IL1R2: variants seen among roughly 807,000 people sequenced by gnomAD.
The protein encoded by IL1R2 is interleukin 1 receptor type 2.
IL1R2 carries 46 observed loss-of-function variants against 39.5 expected under a neutral mutation model. The ratio of observed to expected loss-of-function variants is 1.16; its 90% CI spans 0.92 to 1.49. IL1R2 has a LOEUF of 1.49. IL1R2 is among the 40% of genes most tolerant of loss of function. IL1R2 has a pLI of 0.00. For missense variants in IL1R2, 537 were observed against 502.0 expected (o/e 1.07, Z -0.67); for synonymous variants, 207 against 189.6 (o/e 1.09, Z -0.75).
chr2:102,024,676 G>A lies in IL1R2; in HGVS notation c.887+8G>A, dbSNP rs930235049. On this transcript the variant is annotated splice_region_variant and intron_variant, in intron 7 of 8. Coordinates refer to ENST00000332549, the MANE Select transcript of IL1R2 (RefSeq NM_004633.4). ...GACCGAGGGGCCACGCCAGTAAGTGGGCCAGGGTCTTCTGTTGAGAACTCT... is the reference window on the plus strand; with the variant it reads ...GACCGAGGGGCCACGCCAGTAAGTGAGCCAGGGTCTTCTGTTGAGAACTCT... 2.5e-6 allele frequency: 4 copies of A among 1,614,074 alleles called. No homozygotes were observed. The highest frequency in any genetic ancestry group is 3.4e-6 in the Non-Finnish European group (4 of 1,180,010).
chr2:101,997,405 G>A (rs910398438), intron 1 of IL1R2, among the ~76,000 whole-genome samples: 2 of 152,188 alleles, frequency 1.3e-5, no homozygotes, highest in Non-Finnish European at 2.9e-5. Context: ...AGATGCTACA[G>A]CACCTGTTGC....
intron 1 of IL1R2, chr2:101,999,102 T>C (rs1675723803): frequency 6.6e-6 from 1 of 152,380 alleles, no homozygotes; most frequent in South Asian, 2.1e-4. Context: ...GAAGGAAGAC[T>C]TTAAAGCTGC....
intron 1 of IL1R2, 89 bp downstream of exon 1, chr2:101,992,100 AG>A: frequency 6.6e-6 from 1 of 151,750 alleles, no homozygotes; most frequent in African/African-American, 2.4e-5. Context: ...AGAGAGAGAG[AG>A]AGAGAGAGGG....
At chr2:101,995,351 T>C (rs1675537504) in intron 1 of IL1R2, among the ~76,000 whole-genome samples, 1 of 151,872 alleles carries the variant, frequency 6.6e-6, no homozygotes, top group African/African-American at 2.4e-5. Flanking sequence ...AGAGAGGACC[T>C]CAGGGCAGGA....
intron 8 of IL1R2, 47 bp downstream of exon 8, chr2:102,026,300 A>T (rs201541415): frequency 1.4e-6 from 2 of 1,420,488 alleles, no homozygotes; most frequent in Non-Finnish European, 1.9e-6. Flanking sequence ...TAACATGTTG[A>T]ATGTTCCATG....
intron 1 of IL1R2, among the ~76,000 whole-genome samples, chr2:102,002,480 T>TGTGTCTGTGTCC (rs1675930967): frequency 6.6e-6 from 1 of 151,896 alleles, no homozygotes; most frequent in African/African-American, 2.4e-5. Flanking sequence ...TGTCTGTGTC[T>TGTGTCTGTGTCC]GTGTCTGTGT....
chr2:101,994,254 A>C, intron 1 of IL1R2, among the ~76,000 whole-genome samples: 1 of 151,080 alleles, frequency 6.6e-6, no homozygotes, highest in African/African-American at 2.4e-5. Context: ...CCCCACTCCC[A>C]CCCCGACCTC....
chr2:102,021,305 C>CTTTT (rs546019141), intron 5 of IL1R2, among the ~76,000 whole-genome samples: 4 of 122,838 alleles, frequency 3.3e-5, no homozygotes, highest in African/African-American at 6.1e-5. Flanking sequence ...CTTTTCTTTT[C>CTTTT]TTTTTTTTTT....
At chr2:102,001,674 G>A (rs959397456) in intron 1 of IL1R2, among the ~76,000 whole-genome samples, 2 of 152,104 alleles carry the variant, frequency 1.3e-5, no homozygotes, top group African/African-American at 4.8e-5. Context: ...GTATTTCTCT[G>A]TATCTGAGTC....
rs1014686287 is a variant in IL1R2 at position 102,028,528 on chromosome 2, A to G, written c.*136A>G. Reference sequence around the variant, plus strand: ...GCCACATTTATAGTGGCTTTGTAGTAAAGGACTAAAGTCTTACATTCTGTT... The same window carrying G: ...GCCACATTTATAGTGGCTTTGTAGTGAAGGACTAAAGTCTTACATTCTGTT... On this transcript the variant is annotated 3_prime_UTR_variant, in exon 9 of 9. Transcript: ENST00000332549. 2 of 677,002 alleles carry G rather than the reference A, an allele frequency of 3.0e-6. No individual in the cohort carries two copies. Among genetic ancestry groups the G allele is most frequent in the Middle Eastern group, 2.6e-4 (1 of 3,906 alleles). The allele number at this position is 677,002 out of a possible 1,614,324, so 41.9% of individuals were successfully genotyped here. A position where few individuals can be genotyped will look rare whatever the true frequency, so the allele number is the denominator to read the frequency against.
intron 6 of IL1R2, 64 bp downstream of exon 6, chr2:102,022,313 G>T: frequency 2.9e-6 from 4 of 1,398,846 alleles, no homozygotes; most frequent in Non-Finnish European, 4.1e-6. Context: ...CCAATGCAGG[G>T]GGCTTGGGAC....
intron 1 of IL1R2, among the ~76,000 whole-genome samples, chr2:101,993,730 C>T (rs561991202): frequency 2.0e-5 from 3 of 152,160 alleles, no homozygotes; most frequent in Non-Finnish European, 4.4e-5. Flanking sequence ...TCTTTAATTG[C>T]ATTCCCTTTT....
intron 1 of IL1R2, among the ~76,000 whole-genome samples, chr2:102,003,535 T>C (rs1242102382): frequency 8.1e-6 from 1 of 123,362 alleles, no homozygotes; most frequent in Non-Finnish European, 1.7e-5. Flanking sequence ...TCTGTGTCTG[T>C]GTCTGGCTGT....
At position 102,009,701 on chromosome 2, in the gene IL1R2, G is replaced by T. The variant is rs1385173875; in HGVS notation, c.207G>T (p.Trp69Cys). The change falls in exon 3 of 9, where the codon TGG (tryptophan) becomes TGT (cysteine). Residue 69 changes from tryptophan (W) to cysteine (C), a missense_variant. Coordinates refer to ENST00000332549, the MANE Select transcript of IL1R2 (RefSeq NM_004633.4). ...ASVSPRINLT[W>C]HKNDSARTVP... Reference sequence around the variant, plus strand: ...TCAGCCCCCGCATCAACCTGACATGGCATAAAAATGACTCTGCTAGGACGG... The same window carrying T: ...TCAGCCCCCGCATCAACCTGACATGTCATAAAAATGACTCTGCTAGGACGG... The T allele has an allele frequency of 6.2e-7, 1 of 1,614,168 alleles. No individual in the cohort carries two copies. Among genetic ancestry groups the T allele is most frequent in the African/African-American group, 1.3e-5 (1 of 75,026 alleles).
chr2:102,014,501 G>A (rs528470822), intron 3 of IL1R2, among the ~76,000 whole-genome samples: 1 of 152,094 alleles, frequency 6.6e-6, no homozygotes. Context: ...TTAACATTCT[G>A]TATTTCTTTA....
chr2:102,009,958 T>C, intron 3 of IL1R2, 132 bp downstream of exon 3: 1 of 1,083,078 alleles, frequency 9.2e-7, no homozygotes, highest in Non-Finnish European at 1.3e-6. Flanking sequence ...TTGCATCCCG[T>C]TTGCTGTTCC....
intron 1 of IL1R2, among the ~76,000 whole-genome samples, chr2:102,004,239 G>T (rs531058799): frequency 6.6e-6 from 1 of 151,918 alleles, no homozygotes; most frequent in African/African-American, 2.4e-5. Context: ...ATCCTTTTAG[G>T]CTATATGTAC....
Position 102,028,349 on chromosome 2 carries a change from T to G in IL1R2, c.1154T>G (p.Val385Gly). ...HRTGKADGLT[V>G]LWPHHQDFQS... ...ACTGGAAAAGCAGATGGTCTGACTG[T>G]GCTATGGCCTCATCATCAAGACTTT... The change falls in exon 9 of 9, where the codon GTG becomes GGG. Residue 385 changes from valine to glycine, a missense_variant. Val to Gly is a moderately radical substitution (Grantham distance 109). Transcript: ENST00000332549. The G allele has an allele frequency of 6.2e-7, 1 of 1,606,980 alleles. No homozygotes were observed. Among genetic ancestry groups the G allele is most frequent in the Non-Finnish European group, 8.5e-7 (1 of 1,176,636 alleles).
At chr2:101,993,497 G>T (rs918541704) in intron 1 of IL1R2, among the ~76,000 whole-genome samples, 1 of 152,186 alleles carries the variant, frequency 6.6e-6, no homozygotes, top group African/African-American at 2.4e-5. Context: ...CAGGAAAGTT[G>T]CCTGAGGCTC....
Sources: allele counts gnomAD v4.1 joint callset (sites outside exome capture counted in the v4.1 genomes callset), GRCh38; gene constraint gnomAD v4.1.1; transcripts MANE v1.5; gene names NCBI Gene and HGNC (gene_info 2026-07-23, HGNC 2026-07-21).